The following LY6S variants were observed in gnomAD, a reference collection of about 807,000 sequenced individuals.
LY6S encodes lymphocyte antigen 6S.
At chr8:143,070,485 A>ATTTTTTTTTTTTTT in the LY6S span, among the ~76,000 whole-genome samples, 1 of 84,826 alleles carries the variant, frequency 1.2e-5, no homozygotes, top group Non-Finnish European at 2.0e-5. Flanking sequence ...AAATATATAT[A>ATTTTTTTTTTTTTT]TATATTTTTT....
chr8:143,055,870 C>A, the LY6S span, among the ~76,000 whole-genome samples: 1 of 152,092 alleles, frequency 6.6e-6, no homozygotes, highest in Non-Finnish European at 1.5e-5. Flanking sequence ...CAATAGAGTT[C>A]TTTCTCCTTA....
chr8:143,070,483 A>ATTTTT, the LY6S span, among the ~76,000 whole-genome samples: 5 of 85,958 alleles, frequency 5.8e-5, no homozygotes, highest in African/African-American at 3.6e-4. Context: ...ATAAATATAT[A>ATTTTT]TATATATTTT....
chr8:143,042,713 T>A, the LY6S span, among the ~76,000 whole-genome samples: 3 of 152,044 alleles, frequency 2.0e-5, no homozygotes, highest in African/African-American at 4.8e-5. Context: ...CTTGCTTGGA[T>A]TCAGGTAGCC....
At chr8:143,063,873 C>T in the LY6S span, among the ~76,000 whole-genome samples, 3 of 152,174 alleles carry the variant, frequency 2.0e-5, no homozygotes, top group East Asian at 1.9e-4. Flanking sequence ...ATGCGCTGTC[C>T]CCAAACCAAC....
chr8:143,050,059 C>T, the LY6S span, among the ~76,000 whole-genome samples: 2 of 152,146 alleles, frequency 1.3e-5, no homozygotes, highest in South Asian at 2.1e-4. Flanking sequence ...GTGGGAGAAA[C>T]GTCTCATCTG....
the LY6S span, chr8:143,057,525 G>C: frequency 5.5e-5 from 46 of 836,446 alleles, no homozygotes; most frequent in Non-Finnish European, 8.1e-5. Flanking sequence ...TGGGATTACA[G>C]GCGTGAGCCA....
the LY6S span, chr8:143,043,375 G>C: frequency 1.6e-6 from 1 of 622,280 alleles, no homozygotes; most frequent in Non-Finnish European, 2.4e-6. Context: ...GCAGGGCCCT[G>C]CCCCGGGGCC....
At chr8:143,049,689 T>C in the LY6S span, among the ~76,000 whole-genome samples, 7 of 152,232 alleles carry the variant, frequency 4.6e-5, no homozygotes, top group African/African-American at 7.2e-5. Flanking sequence ...CTGTGGAATC[T>C]AATCCCATTT....
At chr8:143,055,193 T>G in the LY6S span, among the ~76,000 whole-genome samples, 5 of 150,786 alleles carry the variant, frequency 3.3e-5, no homozygotes, top group African/African-American at 1.2e-4. Context: ...ACCAACTTTG[T>G]TTTTTTTTTT....
chr8:143,067,016 T>A, the LY6S span, among the ~76,000 whole-genome samples: 2 of 152,080 alleles, frequency 1.3e-5, no homozygotes, highest in Non-Finnish European at 2.9e-5. Flanking sequence ...GGTGTTTGGA[T>A]CGTTGGGGTG....
At chr8:143,058,289 G>A in the LY6S span, among the ~76,000 whole-genome samples, 812 of 152,236 alleles carry the variant, frequency 5.3e-3, 5 homozygotes, top group African/African-American at 0.018. Flanking sequence ...TAGAGGCCCC[G>A]AATGTCTGGC....
chr8:143,068,247 C>T, the LY6S span, among the ~76,000 whole-genome samples: 1 of 152,206 alleles, frequency 6.6e-6, no homozygotes, highest in Non-Finnish European at 1.5e-5. Context: ...AAATTGTTAA[C>T]AAGGCACATT....
the LY6S span, chr8:143,044,727 G>C: frequency 1.5e-5 from 20 of 1,367,492 alleles, no homozygotes; most frequent in Non-Finnish European, 2.0e-5. Context: ...CCCCATCCAG[G>C]AAGGGGCACG....
the LY6S span, chr8:143,057,469 C>T: frequency 1.6e-5 from 10 of 626,500 alleles, no homozygotes; most frequent in South Asian, 3.1e-5. Context: ...AGGCTGGTTT[C>T]GAACTCCTGA....
chr8:143,069,636 C>T, the LY6S span, among the ~76,000 whole-genome samples: 1 of 152,248 alleles, frequency 6.6e-6, no homozygotes, highest in African/African-American at 2.4e-5. Context: ...GTGCTCAGCA[C>T]GATTCCTGCA....
the LY6S span, among the ~76,000 whole-genome samples, chr8:143,061,503 TG>T: frequency 1.3e-3 from 134 of 101,560 alleles, no homozygotes; most frequent in African/African-American, 5.6e-3. Context: ...TTTGTTTGTT[TG>T]GTTGGTTGGT....
At chr8:143,044,879 CA>C in the LY6S span, 1 of 1,249,576 alleles carries the variant, frequency 8.0e-7, no homozygotes, top group Non-Finnish European at 1.0e-6. Flanking sequence ...CCCATGCCCA[CA>C]AGGGCACCCA....
the LY6S span, chr8:143,066,251 C>T: frequency 4.6e-6 from 1 of 218,140 alleles, no homozygotes; most frequent in Non-Finnish European, 9.1e-6. Flanking sequence ...TCACTACAAC[C>T]TCCGCCTCCC....
the LY6S span, chr8:143,065,787 CTTTCTT>C: frequency 3.7e-5 from 3 of 81,208 alleles, no homozygotes; most frequent in East Asian, 5.1e-4. Context: ...CTTTCTTTTT[CTTTCTT>C]TCTTTCTTTC....
Sources: allele counts gnomAD v4.1 joint callset (sites outside exome capture counted in the v4.1 genomes callset), GRCh38; gene constraint gnomAD v4.1.1; transcripts MANE v1.5; gene names NCBI Gene and HGNC (gene_info 2026-07-23, HGNC 2026-07-21).